The following NWD1 variants were observed in gnomAD, a reference collection of about 807,000 sequenced individuals.
NWD1 encodes the protein NACHT domain- and WD repeat-containing protein 1.
Under a neutral mutation model 135.1 loss-of-function variants are expected in NWD1, and 129 were observed. That is an observed-to-expected ratio of 0.96 (90% CI 0.83 to 1.11). The LOEUF (loss-of-function observed/expected upper bound fraction) is 1.11. NWD1 is among the 50% of genes least tolerant of loss of function. NWD1 has a pLI of 0.00. For missense variants in NWD1, 1,740 were observed against 1,851.3 expected, an observed-to-expected ratio of 0.94 and a Z score of 1.10; for synonymous variants, 773 against 786.0, an observed-to-expected ratio of 0.98 and a Z score of 0.28.
chr19:16,741,912 A>G (rs1399838950), intron 4 of NWD1, among the ~76,000 whole-genome samples: 1 of 151,482 alleles, frequency 6.6e-6, no homozygotes, highest in African/African-American at 2.4e-5. Flanking sequence ...GGAGTTTGAG[A>G]CCAGTCTGGC....
chr19:16,759,185 C>T (rs1354174664), intron 6 of NWD1, 40 bp from the exon 7 acceptor site: 1 of 1,523,548 alleles, frequency 6.6e-7, no homozygotes, highest in African/African-American at 1.4e-5. Flanking sequence ...ATGCAGAAGA[C>T]ATGAGATGTG....
At chr19:16,771,746 C>T (rs16981414) in intron 10 of NWD1, among the ~76,000 whole-genome samples, 6,778 of 152,036 alleles carry the variant, frequency 0.045, 486 homozygotes, top group African/African-American at 0.15. Flanking sequence ...GCTGGACAAC[C>T]ATGTGCTCTC....
chr19:16,745,966 A>G (rs1968296386), intron 5 of NWD1, among the ~76,000 whole-genome samples: 1 of 152,044 alleles, frequency 6.6e-6, no homozygotes, highest in Non-Finnish European at 1.5e-5. Context: ...CCCTTGAACA[A>G]CATAGTGTTT....
intron 12 of NWD1, among the ~76,000 whole-genome samples, chr19:16,784,913 C>G (rs1335077633): frequency 6.6e-6 from 1 of 150,934 alleles, no homozygotes; most frequent in African/African-American, 2.4e-5. Context: ...TGGGCGATGA[C>G]AGAGTGAGAC....
intron 11 of NWD1, among the ~76,000 whole-genome samples, chr19:16,775,180 A>T (rs118046896): frequency 0.02 from 3,017 of 152,240 alleles, 29 homozygotes; most frequent in Non-Finnish European, 0.032. Flanking sequence ...GACACTAAGT[A>T]CAATGCATGG....
chr19:16,731,568 A>G (rs8112102), intron 3 of NWD1, among the ~76,000 whole-genome samples: 83,703 of 148,604 alleles, frequency 0.56, 24,260 homozygotes, highest in African/African-American at 0.64. Context: ...GCCTCCCAAA[A>G]TGCTGGGATT....
chr19:16,802,349 A>G (rs1381728382), intron 17 of NWD1, among the ~76,000 whole-genome samples: 2 of 151,166 alleles, frequency 1.3e-5, no homozygotes, highest in African/African-American at 4.9e-5. Context: ...AGTCTCAGCT[A>G]CTTGAGAGAT....
chr19:16,749,123 T>C lies in NWD1; in HGVS notation c.497-16T>C. 6.4e-7 allele frequency: 1 copy of C among 1,572,312 alleles called. No individual in the cohort carries two copies. Among genetic ancestry groups the C allele is most frequent in the Non-Finnish European group, 8.6e-7 (1 of 1,156,748 alleles). ...ATAATGACCACACTTCCTTCCCACC[T>C]TCCCCACTTTGGCAGTCATTGAGTG... On this transcript the variant is annotated splice_polypyrimidine_tract_variant and intron_variant, in intron 5 of 18. Transcript: ENST00000524140.
At chr19:16,803,702 A>G (rs1383092223) in intron 17 of NWD1, among the ~76,000 whole-genome samples, 1 of 150,604 alleles carries the variant, frequency 6.6e-6, no homozygotes, top group Non-Finnish European at 1.5e-5. Context: ...GGATCATTTG[A>G]GGTCAGGAGT....
intron 5 of NWD1, among the ~76,000 whole-genome samples, chr19:16,746,817 G>A (rs1343127280): frequency 6.6e-6 from 1 of 152,056 alleles, no homozygotes; most frequent in Non-Finnish European, 1.5e-5. Context: ...GAGAAAATAT[G>A]TTTGCTGTTG....
intron 18 of NWD1, among the ~76,000 whole-genome samples, chr19:16,809,372 C>A (rs1209741766): frequency 6.6e-6 from 1 of 151,778 alleles, no homozygotes; most frequent in East Asian, 1.9e-4. Flanking sequence ...CTGCACCTGG[C>A]CAAGAAGTAA....
Position 16,732,677 on chromosome 19 carries a change from T to TAAAAAAAAAAAAAAAAAAAA in NWD1, c.81+1399_81+1400insAAAAAAAAAAAAAAAAAAAA, listed in dbSNP as rs1464805489. The stretch of plus-strand genomic sequence containing the variant: ...CTCAAAAAAAAAAAAAAAGAAAAAG[T>TAAAAAAAAAAAAAAAAAAAA]GAAAAAGTGCAGTGGTGTGATCTCA... On this transcript the variant is annotated intron_variant, in intron 3 of 18. Transcript: ENST00000524140. Among the ~76,000 whole-genome samples, 16 of 85,146 alleles carry TAAAAAAAAAAAAAAAAAAAA rather than the reference T, an allele frequency of 1.9e-4. 3 individuals are homozygous for TAAAAAAAAAAAAAAAAAAAA. The highest frequency in any genetic ancestry group is 9.3e-4 in the African/African-American group (15 of 16,160). 55.9% of individuals were successfully genotyped at this position (85,146 alleles called of 152,430 possible). A position where few individuals can be genotyped will look rare whatever the true frequency, so the allele number is the denominator to read the frequency against.
chr19:16,786,276 G>A (rs973677081), intron 12 of NWD1, among the ~76,000 whole-genome samples: 1 of 151,988 alleles, frequency 6.6e-6, no homozygotes, highest in African/African-American at 2.4e-5. Flanking sequence ...TGAAAGTGCT[G>A]GGATTACAGG....
chr19:16,742,774 G>A (rs1370063613), intron 4 of NWD1, among the ~76,000 whole-genome samples: 4 of 151,186 alleles, frequency 2.6e-5, no homozygotes, highest in African/African-American at 7.3e-5. Context: ...GGGTTCAAGC[G>A]ATTCTCTTGC....
At chr19:16,795,002 G>A (rs1239515831) in intron 15 of NWD1, among the ~76,000 whole-genome samples, 2 of 152,154 alleles carry the variant, frequency 1.3e-5, no homozygotes, top group South Asian at 2.1e-4. Flanking sequence ...GGCTGGTCTC[G>A]AATTCCTGAC....
In NWD1 at chr19:16,731,688, T is replaced by C. The variant is rs191504100; in HGVS notation, c.81+410T>C. On this transcript the variant is annotated intron_variant, in intron 3 of 18. Coordinates refer to ENST00000524140, the MANE Select transcript of NWD1 (RefSeq NM_001007525.5). ...GGTGCAATCTCAGCTCACTGCAACC[T>C]TGGCCTCCAGGGTTCAAGCGATTCT... 3.8e-4 allele frequency among the ~76,000 whole-genome samples: 56 copies of C among 149,196 alleles called. No individual in the cohort carries two copies. In the East Asian group the frequency reaches 8.6e-3, roughly 23 times the overall value.
intron 4 of NWD1, among the ~76,000 whole-genome samples, chr19:16,740,924 C>T (rs551689415): frequency 3.3e-5 from 5 of 152,078 alleles, no homozygotes; most frequent in African/African-American, 9.6e-5. Flanking sequence ...TTTGAGAGGC[C>T]GAGGCAGGCG....
At chr19:16,734,493 C>T (rs1460830482) in intron 3 of NWD1, among the ~76,000 whole-genome samples, 2 of 151,036 alleles carry the variant, frequency 1.3e-5, no homozygotes, top group East Asian at 2.0e-4. Context: ...CAAGATTGCG[C>T]CACTGCACTC....
intron 18 of NWD1, among the ~76,000 whole-genome samples, 164 bp downstream of exon 18, chr19:16,808,300 A>C (rs1255887989): frequency 1.3e-5 from 2 of 152,140 alleles, no homozygotes; most frequent in East Asian, 1.9e-4. Context: ...CTGTAATCCC[A>C]GTACTTTTGG....
Sources: gnomAD v4.1 joint callset for allele counts (sites outside exome capture counted in the v4.1 genomes callset) on GRCh38, gnomAD v4.1.1 for gene constraint, MANE v1.5 for transcripts, NCBI Gene and HGNC (gene_info 2026-07-23, HGNC 2026-07-21) for gene names.